Variants in MRTFB observed in about 807,000 individuals in gnomAD.
The protein encoded by MRTFB is myocardin-related transcription factor B.
A neutral mutation model predicts 104.2 loss-of-function variants in MRTFB; 29 were observed. The observed-to-expected ratio is 0.28, with a 90% CI of 0.21 to 0.38. The LOEUF is 0.38. Ranked by LOEUF, MRTFB falls within the 10% of genes least tolerant of loss-of-function variation. MRTFB has a pLI of 1.00. For synonymous variants in MRTFB, 535 were observed against 519.5 expected (o/e 1.03, Z -0.41); for missense variants, 1,270 against 1,341.6 (o/e 0.95, Z 0.83).
At chr16:14,084,237 C>T (rs1260058805) in intron 2 of MRTFB, among the ~76,000 whole-genome samples, 1 of 152,192 alleles carries the variant, frequency 6.6e-6, no homozygotes, top group East Asian at 1.9e-4. Flanking sequence ...ACTTATAGTG[C>T]AGTTTCAAGA....
At chr16:14,001,257 G>T in the MRTFB span, among the ~76,000 whole-genome samples, 1 of 152,220 alleles carries the variant, frequency 6.6e-6, no homozygotes, top group Non-Finnish European at 1.5e-5. Flanking sequence ...CAAGGGTAGA[G>T]CCTAGCTTCG....
intron 2 of MRTFB, among the ~76,000 whole-genome samples, chr16:14,109,526 G>A (rs766611263): frequency 2.6e-4 from 39 of 152,092 alleles, no homozygotes; most frequent in Non-Finnish European, 4.9e-4. Context: ...TACTTAATAC[G>A]TTCAAATAGT....
chr16:14,169,477 T>A lies in MRTFB; in HGVS notation c.154+28717T>A, dbSNP rs562195427. On this transcript the variant is annotated intron_variant, in intron 3 of 16. Coordinates refer to ENST00000571589, the MANE Select transcript of MRTFB (RefSeq NM_001308142.2). ...TAACCTCGTTTTTGTCTTTTAATTA[T>A]GAAATTTTGGAGTTTTTTATATACC... Among the ~76,000 whole-genome samples, 2 of 152,362 alleles carry A rather than the reference T, an allele frequency of 1.3e-5. 1 individual carries two copies. The highest frequency in any genetic ancestry group is 4.1e-4 in the South Asian group (2 of 4,832).
the MRTFB span, among the ~76,000 whole-genome samples, chr16:14,042,555 T>G: frequency 2.6e-5 from 4 of 152,186 alleles, no homozygotes; most frequent in African/African-American, 9.7e-5. Context: ...TTCTGGGAAG[T>G]TAAATCAGTT....
chr16:14,157,858 G>A (rs1382701623), intron 3 of MRTFB, among the ~76,000 whole-genome samples: 1 of 152,118 alleles, frequency 6.6e-6, no homozygotes, highest in East Asian at 1.9e-4. Flanking sequence ...AATTGTCAAT[G>A]TATAATTTGT....
At chr16:14,031,746 A>G in the MRTFB span, among the ~76,000 whole-genome samples, 1 of 152,136 alleles carries the variant, frequency 6.6e-6, no homozygotes, top group African/African-American at 2.4e-5. Context: ...GCCTCAGGGT[A>G]ATAAAGGTGT....
chr16:14,083,389 T>A (rs1239951549), intron 2 of MRTFB, among the ~76,000 whole-genome samples: 1 of 152,128 alleles, frequency 6.6e-6, no homozygotes, highest in East Asian at 1.9e-4. Flanking sequence ...CTGCTGTAGT[T>A]GGCTGGCAGT....
the MRTFB span, among the ~76,000 whole-genome samples, chr16:14,028,191 C>G: frequency 9.1e-6 from 1 of 110,494 alleles, no homozygotes. Context: ...AACAAAAAAA[C>G]AAACAAACAC....
chr16:14,110,519 T>TC (rs2036216172), intron 2 of MRTFB, among the ~76,000 whole-genome samples: 1 of 152,118 alleles, frequency 6.6e-6, no homozygotes, highest in Non-Finnish European at 1.5e-5. Context: ...GGGAGCTGAA[T>TC]CCCATAACCT....
intron 3 of MRTFB, among the ~76,000 whole-genome samples, chr16:14,144,996 G>A (rs201880625): frequency 0.032 from 3,265 of 103,336 alleles, 144 homozygotes; most frequent in African/African-American, 0.21. Context: ...ATATATATAT[G>A]TATATATATA....
chr16:14,133,434 G>A (rs576093255), intron 2 of MRTFB, among the ~76,000 whole-genome samples: 1 of 152,282 alleles, frequency 6.6e-6, no homozygotes, highest in East Asian at 1.9e-4. Context: ...TCCCACTACT[G>A]CACTTAGTCA....
the MRTFB span, among the ~76,000 whole-genome samples, chr16:14,010,527 G>A: frequency 4.6e-5 from 7 of 152,136 alleles, no homozygotes; most frequent in South Asian, 2.1e-4. Flanking sequence ...TCTTGAACTC[G>A]TGGACTCAAG....
At chr16:14,218,383 G>T (rs1036690706) in intron 7 of MRTFB, among the ~76,000 whole-genome samples, 1 of 152,086 alleles carries the variant, frequency 6.6e-6, no homozygotes, top group African/African-American at 2.4e-5. Flanking sequence ...TTAACAGTTG[G>T]ATTTCCTGTC....
chr16:14,145,779 C>A (rs1158774473), intron 3 of MRTFB, among the ~76,000 whole-genome samples: 1 of 152,200 alleles, frequency 6.6e-6, no homozygotes, highest in African/African-American at 2.4e-5. Flanking sequence ...ATCTTTCTCA[C>A]GATTTGCATT....
Position 14,242,133 on chromosome 16 carries a change from G to A in MRTFB, c.1079+1649G>A, listed in dbSNP as rs116006668. 3.5e-3 allele frequency among the ~76,000 whole-genome samples: 531 copies of A among 152,056 alleles called. 3 individuals are homozygous for A. Among genetic ancestry groups the A allele is most frequent in the African/African-American group, 0.012 (514 of 41,484 alleles). ...ATTGACCCCATTCCCAGATGAGGAC[G>A]CTGTTATAAAAAAAAATCCTTTGGG... On this transcript the variant is annotated intron_variant, in intron 10 of 16. Coordinates refer to ENST00000571589, the MANE Select transcript of MRTFB (RefSeq NM_001308142.2).
intron 2 of MRTFB, among the ~76,000 whole-genome samples, chr16:14,102,904 G>C (rs1003962925): frequency 6.6e-6 from 1 of 152,186 alleles, no homozygotes; most frequent in Non-Finnish European, 1.5e-5. Flanking sequence ...TAGCTTTAAG[G>C]TGAAAGGAGA....
chr16:14,266,263 G>T lies in MRTFB; in HGVS notation c.*4819G>T, dbSNP rs1210553704. The T allele has an allele frequency of 6.6e-6, 1 of 152,082 alleles. No individual in the cohort carries two copies. The highest frequency in any genetic ancestry group is 1.5e-5 in the Non-Finnish European group (1 of 68,002). The allele number at this position is 152,082 out of a possible 1,614,324, so 9.4% of individuals were successfully genotyped here. ...TAAAATAGTATAGAGTTGTTTTGTT[G>T]GTTTAAGAGTAACATTCAGTAGTAA... On this transcript the variant is annotated 3_prime_UTR_variant, in exon 17 of 17. Transcript: ENST00000571589.
intron 7 of MRTFB, among the ~76,000 whole-genome samples, chr16:14,217,512 A>T (rs1373870032): frequency 6.6e-6 from 1 of 152,176 alleles, no homozygotes; most frequent in Non-Finnish European, 1.5e-5. Flanking sequence ...TTAATTCTTA[A>T]CATTCTGATT....
At chr16:14,194,348 GAGAA>G (rs2040330783) in intron 3 of MRTFB, among the ~76,000 whole-genome samples, 1 of 152,236 alleles carries the variant, frequency 6.6e-6, no homozygotes, top group Admixed American at 6.5e-5. Flanking sequence ...TGCACAGGGA[GAGAA>G]AGAAAGAGGG....
Sources: allele counts gnomAD v4.1 joint callset (sites outside exome capture counted in the v4.1 genomes callset), GRCh38; gene constraint gnomAD v4.1.1; transcripts MANE v1.5; gene names NCBI Gene and HGNC (gene_info 2026-07-23, HGNC 2026-07-21).